The following ATG10 variants were observed in gnomAD, a reference collection of about 807,000 sequenced individuals.
ATG10 encodes the protein autophagy related 10.
ATG10 carries 30 observed loss-of-function variants against 32.1 expected under a neutral mutation model. That is an observed-to-expected ratio of 0.94 (90% CI 0.70 to 1.27). ATG10 has a LOEUF of 1.27. Ranked by LOEUF, ATG10 falls within the 50% of genes most tolerant of loss-of-function variation. The pLI is 0.00. For synonymous variants in ATG10, 87 were observed against 91.5 expected (o/e 0.95, Z 0.28); for missense variants, 233 against 262.3 (o/e 0.89, Z 0.77).
chr5:82,075,699 G>A (rs1764254385), intron 3 of ATG10, among the ~76,000 whole-genome samples: 1 of 152,136 alleles, frequency 6.6e-6, no homozygotes, highest in African/African-American at 2.4e-5. Flanking sequence ...ACTTTGGCAG[G>A]CTGAGGCAGG....
chr5:82,053,188 G>A (rs1763481808), intron 2 of ATG10, among the ~76,000 whole-genome samples: 1 of 152,098 alleles, frequency 6.6e-6, no homozygotes, highest in Non-Finnish European at 1.5e-5. Context: ...AATCTGATAG[G>A]TAAAAAATGT....
chr5:82,138,695 C>A (rs1341086167), intron 3 of ATG10, among the ~76,000 whole-genome samples: 1 of 151,976 alleles, frequency 6.6e-6, no homozygotes, highest in East Asian at 1.9e-4. Context: ...TCCATGGATT[C>A]TTTTTAGTAT....
intron 3 of ATG10, among the ~76,000 whole-genome samples, chr5:82,098,236 A>G (rs933887019): frequency 1.3e-5 from 2 of 151,754 alleles, no homozygotes; most frequent in South Asian, 2.1e-4. Flanking sequence ...GAGATAGACT[A>G]TATGGCAATA....
chr5:82,123,479 C>A (rs949316308), intron 3 of ATG10, among the ~76,000 whole-genome samples: 1 of 150,230 alleles, frequency 6.7e-6, no homozygotes, highest in East Asian at 1.9e-4. Context: ...ATGAGTTTAT[C>A]TATATAACAA....
intron 3 of ATG10, among the ~76,000 whole-genome samples, chr5:82,107,897 G>T (rs1168768023): frequency 4.6e-5 from 7 of 152,048 alleles, no homozygotes; most frequent in Admixed American, 4.6e-4. Flanking sequence ...ATTGGACTTT[G>T]AATAAGAGGT....
chr5:82,136,489 TAG>T (rs1203228354), intron 3 of ATG10, among the ~76,000 whole-genome samples: 9 of 152,214 alleles, frequency 5.9e-5, no homozygotes, highest in Non-Finnish European at 1.2e-4. Flanking sequence ...TTATGAAGCT[TAG>T]TTTGGCTGGA....
At chr5:82,008,251 A>G (rs1369069342) in intron 2 of ATG10, among the ~76,000 whole-genome samples, 1 of 152,186 alleles carries the variant, frequency 6.6e-6, no homozygotes, top group Non-Finnish European at 1.5e-5. Flanking sequence ...GATAAAGATT[A>G]AATATATTGC....
rs371581160 is a variant in ATG10, at chr5:82,118,400, A to ATATATATATAT, written c.217-45994_217-45993insATATATTATAT. ...ATAATATATGTACATATATATATAT[A>ATATATATATAT]TATATGTATGTATATATTCCCTAGC... is the stretch of plus-strand genomic sequence containing the variant. On this transcript the variant is annotated intron_variant, in intron 3 of 7. Coordinates refer to ENST00000282185, the MANE Select transcript of ATG10 (RefSeq NM_031482.5). 1.0e-4 allele frequency among the ~76,000 whole-genome samples: 12 copies of ATATATATATAT among 115,828 alleles called. 1 individual carries two copies. Among genetic ancestry groups the ATATATATATAT allele is most frequent in the Admixed American group, 6.9e-4 (8 of 11,646 alleles). The allele number at this position is 115,828 out of a possible 152,430, so 76.0% of individuals were successfully genotyped here.
chr5:82,019,421 A>G (rs1762378107), intron 2 of ATG10, among the ~76,000 whole-genome samples: 1 of 152,010 alleles, frequency 6.6e-6, no homozygotes. Context: ...CTTGTTCCAG[A>G]ATTGCAGCTA....
At chr5:82,224,718 A>G (rs377225817) in intron 5 of ATG10, among the ~76,000 whole-genome samples, 2 of 152,272 alleles carry the variant, frequency 1.3e-5, no homozygotes, top group East Asian at 3.9e-4. Context: ...ATACTGACAA[A>G]ATGCTTATGG....
chr5:82,037,239 T>A (rs974224903), intron 2 of ATG10, among the ~76,000 whole-genome samples: 2 of 43,816 alleles, frequency 4.6e-5, no homozygotes, highest in African/African-American at 2.5e-4. Flanking sequence ...ATTTACTTTT[T>A]TTTTTTTTTT....
chr5:82,179,957 C>T (rs1422323592), intron 5 of ATG10, among the ~76,000 whole-genome samples: 2 of 152,148 alleles, frequency 1.3e-5, no homozygotes, highest in African/African-American at 4.8e-5. Flanking sequence ...TCTCTTCCCA[C>T]TGTCACCCTC....
At chr5:82,006,559 T>C (rs1219847243) in intron 2 of ATG10, among the ~76,000 whole-genome samples, 2 of 152,200 alleles carry the variant, frequency 1.3e-5, no homozygotes, top group African/African-American at 2.4e-5. Flanking sequence ...TCTGTACGTT[T>C]ATAATTATAT....
At chr5:82,197,725 TCTATCTATCTA>T (rs1561352592) in intron 5 of ATG10, among the ~76,000 whole-genome samples, 9 of 53,842 alleles carry the variant, frequency 1.7e-4, no homozygotes, top group East Asian at 1.1e-3. Context: ...TTTCTTTCTA[TCTATCTATCTA>T]TCTATCTATC....
chr5:82,062,144 G>C (rs1305914880), intron 3 of ATG10, among the ~76,000 whole-genome samples: 1 of 151,910 alleles, frequency 6.6e-6, no homozygotes, highest in African/African-American at 2.4e-5. Context: ...TTCTAAAAGA[G>C]TTTATTTTCT....
intron 2 of ATG10, among the ~76,000 whole-genome samples, chr5:81,988,933 A>G (rs1367128588): frequency 6.6e-6 from 1 of 152,126 alleles, no homozygotes; most frequent in African/African-American, 2.4e-5. Flanking sequence ...GGTTCAAGCA[A>G]TTCTCATGCC....
At chr5:82,214,786 T>C (rs1745614845) in intron 5 of ATG10, among the ~76,000 whole-genome samples, 1 of 152,034 alleles carries the variant, frequency 6.6e-6, no homozygotes, top group Admixed American at 6.6e-5. Context: ...GAGACTCCCA[T>C]GGGGAAACAA....
At chr5:82,118,243 A>G (rs1765888181) in intron 3 of ATG10, among the ~76,000 whole-genome samples, 1 of 150,436 alleles carries the variant, frequency 6.6e-6, no homozygotes, top group Non-Finnish European at 1.5e-5. Context: ...ACGTGTAATT[A>G]TTTAATGGCT....
chr5:82,139,862 G>A (rs1449486564), intron 3 of ATG10, among the ~76,000 whole-genome samples: 10 of 140,868 alleles, frequency 7.1e-5, no homozygotes, highest in East Asian at 2.3e-4. Context: ...CCCCCCACCC[G>A]GCCAGCCGCC....
Sources: allele counts gnomAD v4.1 joint callset (sites outside exome capture counted in the v4.1 genomes callset), GRCh38; gene constraint gnomAD v4.1.1; transcripts MANE v1.5; gene names NCBI Gene and HGNC (gene_info 2026-07-23, HGNC 2026-07-21).